The following ERP44 variants were observed in gnomAD, a reference collection of about 807,000 sequenced individuals.
ERP44 encodes endoplasmic reticulum protein 44, also known as endoplasmic reticulum resident protein 44.
A neutral mutation model predicts 53.4 loss-of-function variants in ERP44; 25 were observed. The ratio of observed to expected loss-of-function variants is 0.47; its 90% confidence interval spans 0.34 to 0.65. The LOEUF (loss-of-function observed/expected upper bound fraction) is 0.65, where lower values mean the gene tolerates loss of function less well. ERP44 is among the 30% of genes least tolerant of loss of function. The pLI is 0.01. For synonymous variants in ERP44, 145 were observed against 161.2 expected, an observed-to-expected ratio of 0.90 and a Z score of 0.76; for missense variants, 338 against 493.2, an observed-to-expected ratio of 0.69 and a Z score of 2.98.
At chr9:100,097,473 C>T (rs2118769818) in intron 1 of ERP44, among the ~76,000 whole-genome samples, 1 of 152,208 alleles carries the variant, frequency 6.6e-6, no homozygotes, top group African/African-American at 2.4e-5. Context: ...TATTCTAACA[C>T]TTCTAGAAGG....
chr9:99,984,901 C>T, intron 11 of ERP44, 66 bp downstream of exon 11: 1 of 944,148 alleles, frequency 1.1e-6, no homozygotes, highest in Middle Eastern at 2.2e-4. Flanking sequence ...AACTTCAGAC[C>T]CTCTTTGAGG....
In ERP44 at chr9:100,035,821, A is replaced by C. The variant is rs557081182; in HGVS notation, c.287-13595T>G. On this transcript the variant is annotated intron_variant, in intron 4 of 11. Transcript: ENST00000262455. Reference sequence around the variant, plus strand: ...TGCTTATTATCGCTAATCATCAAAGAAATGCAAATCAAAACCACAATGAGA... The same window carrying C: ...TGCTTATTATCGCTAATCATCAAAGCAATGCAAATCAAAACCACAATGAGA... 4.6e-5 allele frequency among the ~76,000 whole-genome samples: 7 copies of C among 152,348 alleles called. No homozygotes were observed. In the East Asian group the frequency reaches 1.2e-3, roughly 25 times the overall value.
At chr9:100,015,106 TA>T (rs1373101939) in intron 8 of ERP44, among the ~76,000 whole-genome samples, 1 of 152,176 alleles carries the variant, frequency 6.6e-6, no homozygotes, top group East Asian at 1.9e-4. Context: ...CATTCCCTAA[TA>T]CTGTCACATT....
intron 1 of ERP44, among the ~76,000 whole-genome samples, chr9:100,066,638 A>C (rs1165041914): frequency 6.6e-6 from 1 of 152,214 alleles, no homozygotes; most frequent in African/African-American, 2.4e-5. Context: ...ATCTAGATTG[A>C]CAAGTCAGCC....
At chr9:100,015,560 T>C (rs954833718) in intron 8 of ERP44, among the ~76,000 whole-genome samples, 1 of 152,244 alleles carries the variant, frequency 6.6e-6, no homozygotes, top group African/African-American at 2.4e-5. Flanking sequence ...CCTGCTTTCA[T>C]TATTTATAAT....
intron 1 of ERP44, among the ~76,000 whole-genome samples, chr9:100,069,208 T>G (rs972318476): frequency 6.6e-6 from 1 of 151,676 alleles, no homozygotes; most frequent in African/African-American, 2.4e-5. Context: ...TTCACTTGTT[T>G]ATCTGCTGAC....
chr9:100,046,606 G>T (rs1270218922), intron 4 of ERP44, among the ~76,000 whole-genome samples: 1 of 152,094 alleles, frequency 6.6e-6, no homozygotes, highest in Non-Finnish European at 1.5e-5. Flanking sequence ...AGCATTGCTG[G>T]AAGAAACTGA....
chr9:100,082,326 A>G (rs950465877), intron 1 of ERP44, among the ~76,000 whole-genome samples: 5 of 151,898 alleles, frequency 3.3e-5, no homozygotes, highest in Non-Finnish European at 4.4e-5. Flanking sequence ...ATGTATACCT[A>G]TGTAACAAAC....
intron 1 of ERP44, among the ~76,000 whole-genome samples, chr9:100,080,696 A>C (rs1249729421): frequency 6.6e-6 from 1 of 152,188 alleles, no homozygotes; most frequent in East Asian, 1.9e-4. Context: ...CTATGGATGA[A>C]GAGAGTAGTG....
At chr9:100,072,837 A>G (rs1826320843) in intron 1 of ERP44, among the ~76,000 whole-genome samples, 1 of 152,224 alleles carries the variant, frequency 6.6e-6, no homozygotes. Flanking sequence ...GTTTTGAGGC[A>G]GTCAATCAAC....
At chr9:100,059,785 G>GA (rs977907301) in intron 2 of ERP44, among the ~76,000 whole-genome samples, 1 of 151,600 alleles carries the variant, frequency 6.6e-6, no homozygotes, top group Non-Finnish European at 1.5e-5. Context: ...AGGGAAAAAA[G>GA]AAAAAAAAGT....
chr9:100,097,459 G>C (rs1826651208), intron 1 of ERP44, among the ~76,000 whole-genome samples: 1 of 151,738 alleles, frequency 6.6e-6, no homozygotes, highest in South Asian at 2.1e-4. Context: ...TCTAATAATG[G>C]TATTATTCTA....
At chr9:100,019,654 G>C (rs1006780261) in intron 6 of ERP44, among the ~76,000 whole-genome samples, 1 of 151,104 alleles carries the variant, frequency 6.6e-6, no homozygotes, top group African/African-American at 2.4e-5. Flanking sequence ...ATTCCATCTT[G>C]AGAAAAAGAA....
intron 1 of ERP44, among the ~76,000 whole-genome samples, chr9:100,082,819 T>C (rs1249519754): frequency 2.6e-5 from 4 of 151,224 alleles, no homozygotes; most frequent in Non-Finnish European, 2.9e-5. Context: ...GTTCAAGGGG[T>C]TAACTGTATA....
At chr9:100,067,071 A>G (rs1317112304) in intron 1 of ERP44, among the ~76,000 whole-genome samples, 1 of 152,186 alleles carries the variant, frequency 6.6e-6, no homozygotes, top group Non-Finnish European at 1.5e-5. Context: ...ACCTGCATTT[A>G]TAAAGAAACA....
intron 1 of ERP44, among the ~76,000 whole-genome samples, chr9:100,065,160 A>G (rs1826194988): frequency 6.6e-6 from 1 of 152,174 alleles, no homozygotes; most frequent in African/African-American, 2.4e-5. Flanking sequence ...TGCCCTATAC[A>G]TGTGTATAAC....
intron 2 of ERP44, 33 bp downstream of exon 2, chr9:100,060,067 A>G: frequency 7.2e-7 from 1 of 1,396,268 alleles, no homozygotes; most frequent in Non-Finnish European, 9.4e-7. Flanking sequence ...ATAGAGAAGA[A>G]AGAGTACACT....
intron 10 of ERP44, among the ~76,000 whole-genome samples, chr9:99,990,506 T>C (rs530339036): frequency 6.6e-6 from 1 of 152,278 alleles, no homozygotes; most frequent in African/African-American, 2.4e-5. Context: ...CAAGAGCTCC[T>C]GAAGGAAGTA....
intron 10 of ERP44, among the ~76,000 whole-genome samples, chr9:100,005,400 G>A (rs1331446822): frequency 6.6e-6 from 1 of 152,124 alleles, no homozygotes; most frequent in African/African-American, 2.4e-5. Flanking sequence ...AAAACCCTTG[G>A]TTCTTAGCAC....
Sources: allele counts gnomAD v4.1 joint callset (sites outside exome capture counted in the v4.1 genomes callset), GRCh38; gene constraint gnomAD v4.1.1; transcripts MANE v1.5; gene names NCBI Gene and HGNC (gene_info 2026-07-23, HGNC 2026-07-21).